The following MROH9 variants were observed in gnomAD, a reference collection of about 807,000 sequenced individuals.
MROH9 encodes the protein maestro heat like repeat family member 9.
A neutral mutation model predicts 98.2 loss-of-function variants in MROH9; 92 were observed. The ratio of observed to expected loss-of-function variants is 0.94; its 90% CI spans 0.79 to 1.11. The LOEUF is 1.11. Among genes scored for constraint, MROH9 ranks in the 50% most tolerant of loss-of-function variants. MROH9 has a pLI of 0.00. For synonymous variants in MROH9, 397 were observed against 368.9 expected (o/e 1.08, Z -0.87); for missense variants, 1,057 against 1,014.8 (o/e 1.04, Z -0.57).
intron 15 of MROH9, 189 bp downstream of exon 15, chr1:170,998,463 C>A: frequency 6.5e-7 from 1 of 1,532,704 alleles, no homozygotes. Context: ...AAGAGTTGTC[C>A]CTTCAGCTTT....
chr1:171,007,194 C>T (rs1341479357), intron 15 of MROH9, among the ~76,000 whole-genome samples: 2 of 152,134 alleles, frequency 1.3e-5, no homozygotes, highest in Non-Finnish European at 2.9e-5. Flanking sequence ...GCTAGGGCAC[C>T]TGGGTGCTTC....
chr1:170,994,572 G>T (rs561778533), intron 12 of MROH9, among the ~76,000 whole-genome samples: 14 of 152,056 alleles, frequency 9.2e-5, no homozygotes, highest in East Asian at 7.7e-4. Flanking sequence ...AGAGAATGGG[G>T]TACCCATCCC....
intron 15 of MROH9, chr1:170,998,643 C>T (rs1003221011): frequency 1.7e-6 from 2 of 1,168,522 alleles, no homozygotes; most frequent in Non-Finnish European, 2.1e-6. Context: ...TACTTCTGAC[C>T]ATCTAGAGGG....
chr1:171,035,039 TCAAA>T (rs1173144216), intron 20 of MROH9, among the ~76,000 whole-genome samples: 4 of 151,930 alleles, frequency 2.6e-5, no homozygotes, highest in Admixed American at 6.6e-5. Context: ...TCTAGAAGAA[TCAAA>T]CAATGTAAAC....
intron 12 of MROH9, among the ~76,000 whole-genome samples, chr1:170,994,581 C>T (rs528845139): frequency 6.6e-6 from 1 of 152,118 alleles, no homozygotes; most frequent in South Asian, 2.1e-4. Context: ...GGTACCCATC[C>T]CGTCAAGCAT....
At chr1:171,025,556 G>A (rs906095825) in intron 20 of MROH9, 136 bp downstream of exon 20, 38 of 602,332 alleles carry the variant, frequency 6.3e-5, no homozygotes, top group Admixed American at 3.7e-4. Context: ...ATGAATACAG[G>A]TTGATACGTG....
intron 4 of MROH9, among the ~76,000 whole-genome samples, chr1:170,958,950 A>G (rs1446560122): frequency 6.6e-6 from 1 of 152,136 alleles, no homozygotes; most frequent in African/African-American, 2.4e-5. Context: ...TTTCTACATA[A>G]CTGTTTATAG....
At chr1:171,003,292 G>A (rs936570290) in intron 15 of MROH9, among the ~76,000 whole-genome samples, 1 of 152,060 alleles carries the variant, frequency 6.6e-6, no homozygotes, top group Non-Finnish European at 1.5e-5. Context: ...GAACTAGTAC[G>A]ATTTTTGAGG....
At chr1:170,962,005 C>A in intron 6 of MROH9, 29 bp downstream of exon 6, 1 of 1,285,686 alleles carries the variant, frequency 7.8e-7, no homozygotes, top group Non-Finnish European at 1.1e-6. Flanking sequence ...GTTTAATTTT[C>A]TTGTCATAAG....
At chr1:171,009,689 TAGG>T (rs1364878942) in intron 15 of MROH9, among the ~76,000 whole-genome samples, 5 of 152,358 alleles carry the variant, frequency 3.3e-5, no homozygotes, top group Middle Eastern at 3.4e-3. Context: ...TTCTGACAGC[TAGG>T]AGTACTTTAG....
At chr1:171,029,133 C>A (rs1652823531) in intron 20 of MROH9, among the ~76,000 whole-genome samples, 1 of 152,102 alleles carries the variant, frequency 6.6e-6, no homozygotes, top group Non-Finnish European at 1.5e-5. Flanking sequence ...TTCAACATGA[C>A]ATTGATATGA....
chr1:171,046,952 C>T (rs2101864546), intron 20 of MROH9, among the ~76,000 whole-genome samples: 1 of 152,168 alleles, frequency 6.6e-6, no homozygotes, highest in African/African-American at 2.4e-5. Context: ...TCTAGTGTAA[C>T]ATAGTTTTCC....
chr1:170,985,705 C>A (rs1362221702), intron 9 of MROH9, among the ~76,000 whole-genome samples: 1 of 152,070 alleles, frequency 6.6e-6, no homozygotes, highest in African/African-American at 2.4e-5. Context: ...TAAAGTAGGG[C>A]AAACTATTTA....
chr1:171,041,408 T>TATAC lies in MROH9; in HGVS notation c.2281+15989_2281+15990insTACA, dbSNP rs1553222180. ...GTGTGTATGTATTGGTCAAGATACA[T>TATAC]ACACACACACACACACACACACACA... On this transcript the variant is annotated intron_variant, in intron 20 of 21. Transcript: ENST00000367759. Among the ~76,000 whole-genome samples the TATAC allele has an allele frequency of 3.7e-3, 386 of 103,026 alleles. 11 individuals carry two copies. The highest frequency in any genetic ancestry group is 9.8e-3 in the African/African-American group (285 of 29,188). 67.6% of individuals were successfully genotyped at this position (103,026 alleles called of 152,430 possible).
At chr1:171,031,973 T>A (rs985963302) in intron 20 of MROH9, among the ~76,000 whole-genome samples, 5 of 152,206 alleles carry the variant, frequency 3.3e-5, no homozygotes, top group Admixed American at 2.0e-4. Flanking sequence ...GCTTTCTTCA[T>A]TCCTTTTCAT....
chr1:170,964,843 A>G (rs536918389), intron 6 of MROH9, among the ~76,000 whole-genome samples: 1 of 152,246 alleles, frequency 6.6e-6, no homozygotes, highest in East Asian at 1.9e-4. Context: ...GAGGCAAAGC[A>G]GCTGGTAATC....
intron 1 of MROH9, among the ~76,000 whole-genome samples, chr1:170,942,409 A>ACACC (rs1273460035): frequency 7.4e-6 from 1 of 134,304 alleles, no homozygotes; most frequent in Non-Finnish European, 1.6e-5. Context: ...ACACACACAC[A>ACACC]CCCTCAGAGA....
intron 21 of MROH9, among the ~76,000 whole-genome samples, 176 bp from the exon 22 acceptor site, chr1:171,063,923 T>G: frequency 6.6e-6 from 1 of 152,116 alleles, no homozygotes; most frequent in East Asian, 1.9e-4. Flanking sequence ...TTAGTAGGGA[T>G]AGATGATAAA....
In MROH9 at chr1:171,064,111, T is replaced by C. The variant is rs190157737; in HGVS notation, c.2357T>C (p.Leu786Pro). ...TCTGATATTACAGTTATTGAACGAC[T>C]GCTCCGAGATGAAGACCCTATGATC... ...IEVMLDVIER[L>P]LRDEDPMIKQ... Residue 786 changes from leucine to proline, a missense_variant, in exon 22 of 22, where the codon CTG becomes CCG. Leu to Pro is a moderately conservative substitution (Grantham distance 98). Transcript: ENST00000367759. 2,569 of 1,536,570 alleles carry C rather than the reference T, an allele frequency of 1.7e-3. 3 individuals carry two copies. The highest frequency in any genetic ancestry group is 2.3e-3 in the South Asian group (188 of 80,392).
Sources: gnomAD v4.1 joint callset for allele counts (sites outside exome capture counted in the v4.1 genomes callset) on GRCh38, gnomAD v4.1.1 for gene constraint, MANE v1.5 for transcripts, NCBI Gene and HGNC (gene_info 2026-07-23, HGNC 2026-07-21) for gene names.